GALNT13: variants seen among roughly 807,000 people sequenced by gnomAD.
GALNT13 encodes the protein UDP-GalNAc:polypeptide N-acetylgalactosaminyltransferase 13.
In GALNT13, 28 loss-of-function variants were observed where a neutral mutation model predicts 64.2. The ratio of observed to expected loss-of-function variants is 0.44; its 90% CI spans 0.32 to 0.60. GALNT13 has a LOEUF of 0.60. GALNT13 is among the 20% of genes least tolerant of loss of function. GALNT13 has a pLI of 0.05. For synonymous variants in GALNT13, 214 were observed against 224.6 expected (o/e 0.95, Z 0.42); for missense variants, 577 against 669.8 (o/e 0.86, Z 1.53).
the GALNT13 span, among the ~76,000 whole-genome samples, chr2:153,284,665 C>T: frequency 6.6e-6 from 1 of 152,130 alleles, no homozygotes; most frequent in Non-Finnish European, 1.5e-5. Context: ...GAAGGAGACT[C>T]TCTGCCTCTC....
intron 4 of GALNT13, among the ~76,000 whole-genome samples, chr2:154,161,269 C>T (rs949065657): frequency 6.6e-6 from 1 of 152,102 alleles, no homozygotes; most frequent in Non-Finnish European, 1.5e-5. Context: ...CTAATAAATG[C>T]ATTCTATATT....
chr2:153,267,892 C>A, the GALNT13 span, among the ~76,000 whole-genome samples: 1 of 152,112 alleles, frequency 6.6e-6, no homozygotes, highest in Non-Finnish European at 1.5e-5. Flanking sequence ...CTTCAGATAA[C>A]CTCTCACTAG....
At chr2:154,049,437 A>G (rs932949522) in intron 3 of GALNT13, among the ~76,000 whole-genome samples, 7 of 143,044 alleles carry the variant, frequency 4.9e-5, no homozygotes, top group African/African-American at 7.4e-5. Flanking sequence ...TATATATACT[A>G]TTCATTGTGA....
the GALNT13 span, among the ~76,000 whole-genome samples, chr2:153,257,423 C>T: frequency 6.6e-6 from 1 of 152,114 alleles, no homozygotes; most frequent in Admixed American, 6.5e-5. Flanking sequence ...CTGCGTGGCT[C>T]ACACTGGGAG....
At chr2:153,682,968 G>A in the GALNT13 span, among the ~76,000 whole-genome samples, 4 of 151,844 alleles carry the variant, frequency 2.6e-5, no homozygotes, top group South Asian at 4.1e-4. Flanking sequence ...GTTTCTAAAT[G>A]TAGAGATCTT....
At chr2:153,688,616 A>G in the GALNT13 span, among the ~76,000 whole-genome samples, 12 of 151,978 alleles carry the variant, frequency 7.9e-5, no homozygotes, top group African/African-American at 2.9e-4. Flanking sequence ...ACCCAAAGGT[A>G]GGTCTAAAAT....
chr2:154,030,775 T>G (rs1698283193), intron 3 of GALNT13, among the ~76,000 whole-genome samples: 1 of 152,122 alleles, frequency 6.6e-6, no homozygotes, highest in Non-Finnish European at 1.5e-5. Flanking sequence ...CTCCTGCTCT[T>G]CTGTGGAAAG....
chr2:154,250,789 C>T (rs537272901), intron 7 of GALNT13, among the ~76,000 whole-genome samples: 4 of 152,006 alleles, frequency 2.6e-5, no homozygotes, highest in Non-Finnish European at 4.4e-5. Context: ...CCATAATATA[C>T]GTTTGGATTG....
rs896836211 is a variant in GALNT13 at position 153,983,187 on chromosome 2, A to T, written c.142+38548A>T. Among the ~76,000 whole-genome samples the T allele has an allele frequency of 2.0e-5, 3 of 151,868 alleles. No homozygotes were observed. The East Asian group carries it at 5.8e-4, about 29-fold the overall frequency. ...CTGTAGTTTCTTCAATGTTTGCTGA[A>T]TTTTTGAGTAAATATGAATGTTATT... On this transcript the variant is annotated intron_variant, in intron 3 of 12. Coordinates refer to ENST00000392825, the MANE Select transcript of GALNT13 (RefSeq NM_052917.4).
chr2:153,930,720 T>C (rs1054256041), intron 2 of GALNT13, among the ~76,000 whole-genome samples: 1 of 152,166 alleles, frequency 6.6e-6, no homozygotes, highest in Non-Finnish European at 1.5e-5. Context: ...TGTTGGTTAC[T>C]GTAGTCTTGT....
chr2:153,105,600 A>C, the GALNT13 span, among the ~76,000 whole-genome samples: 2 of 152,204 alleles, frequency 1.3e-5, no homozygotes, highest in African/African-American at 4.8e-5. Flanking sequence ...TTTGCAGATG[A>C]CATGATTGTA....
chr2:154,135,438 A>G (rs1054245147), intron 3 of GALNT13, among the ~76,000 whole-genome samples: 4 of 152,186 alleles, frequency 2.6e-5, no homozygotes, highest in African/African-American at 7.2e-5. Context: ...AACTTTCTAC[A>G]TAAGAAATGA....
At chr2:154,009,527 C>T (rs1272383188) in intron 3 of GALNT13, among the ~76,000 whole-genome samples, 7 of 144,724 alleles carry the variant, frequency 4.8e-5, no homozygotes, top group African/African-American at 1.8e-4. Flanking sequence ...GGCGGAGTCT[C>T]ACTCTGTTGC....
the GALNT13 span, among the ~76,000 whole-genome samples, chr2:153,357,657 AG>A: frequency 6.6e-6 from 1 of 152,242 alleles, no homozygotes; most frequent in East Asian, 1.9e-4. Context: ...AGGGTATGGA[AG>A]TGGAGTCTTC....
chr2:154,055,512 G>A (rs1388808381), intron 3 of GALNT13, among the ~76,000 whole-genome samples: 1 of 151,986 alleles, frequency 6.6e-6, no homozygotes, highest in African/African-American at 2.4e-5. Context: ...AAGGTAAGCA[G>A]GTAATTATAA....
intron 3 of GALNT13, among the ~76,000 whole-genome samples, chr2:154,047,840 G>A (rs1445203480): frequency 6.6e-6 from 1 of 152,114 alleles, no homozygotes; most frequent in Non-Finnish European, 1.5e-5. Flanking sequence ...AGCATGTTTA[G>A]CATCTGTGGA....
At position 154,251,662 on chromosome 2, in the gene GALNT13, A is replaced by G. The variant is rs543660511; in HGVS notation, c.857+5680A>G. On this transcript the variant is annotated intron_variant, in intron 7 of 12. Coordinates refer to ENST00000392825, the MANE Select transcript of GALNT13 (RefSeq NM_052917.4). ...AAGCCACATCTTCATACCCAAACAC[A>G]GGTTCAGATGATTGTAATAGTGTGC... 2.0e-5 allele frequency among the ~76,000 whole-genome samples: 3 copies of G among 152,292 alleles called. No individual in the cohort carries two copies. In the East Asian group the frequency reaches 5.8e-4, roughly 29 times the overall value.
intron 3 of GALNT13, among the ~76,000 whole-genome samples, chr2:154,036,159 C>T (rs534749778): frequency 1.2e-4 from 18 of 151,818 alleles, no homozygotes; most frequent in South Asian, 4.1e-4. Context: ...GATTAGTGTC[C>T]GAGTTAAGAA....
the GALNT13 span, chr2:153,477,822 T>G: frequency 5.4e-6 from 1 of 183,894 alleles, no homozygotes; most frequent in Non-Finnish European, 1.1e-5. Flanking sequence ...CTGCGTGGCT[T>G]TTAACAGGTC....
Sources: gnomAD v4.1 joint callset for allele counts (sites outside exome capture counted in the v4.1 genomes callset) on GRCh38, gnomAD v4.1.1 for gene constraint, MANE v1.5 for transcripts, NCBI Gene and HGNC (gene_info 2026-07-23, HGNC 2026-07-21) for gene names.